Variants in TMEM156 observed in about 807,000 individuals in gnomAD.
TMEM156 encodes the protein transmembrane protein 156.
In TMEM156, 28 loss-of-function variants were observed where a neutral mutation model predicts 30.5. The observed-to-expected ratio is 0.92, with a 90% CI of 0.68 to 1.26. TMEM156 has a LOEUF of 1.26. TMEM156 is among the 50% of genes most tolerant of loss of function. The pLI is 0.00. For synonymous variants in TMEM156, 137 were observed against 119.9 expected (o/e 1.14, Z -0.93); for missense variants, 351 against 340.6 (o/e 1.03, Z -0.24).
chr4:38,986,486 T>A, intron 4 of TMEM156, 67 bp from the exon 5 acceptor site: 1 of 1,218,612 alleles, frequency 8.2e-7, no homozygotes, highest in Non-Finnish European at 1.2e-6. Flanking sequence ...ATATTCCCCA[T>A]GTTGGTTCAA....
At chr4:38,987,625 A>C (rs1283398517) in intron 4 of TMEM156, among the ~76,000 whole-genome samples, 1 of 152,206 alleles carries the variant, frequency 6.6e-6, no homozygotes, top group Non-Finnish European at 1.5e-5. Context: ...GAAATCATAC[A>C]ACCACCACAA....
intron 1 of TMEM156, among the ~76,000 whole-genome samples, chr4:39,015,103 CTT>C: frequency 6.6e-6 from 1 of 152,194 alleles, no homozygotes; most frequent in East Asian, 1.9e-4. Flanking sequence ...ACAATATCCT[CTT>C]ATTACATCTT....
chr4:39,009,225 T>TA (rs764136535), intron 1 of TMEM156, among the ~76,000 whole-genome samples: 11 of 151,886 alleles, frequency 7.2e-5, no homozygotes, highest in Non-Finnish European at 1.5e-4. Flanking sequence ...AACAGACCAA[T>TA]AATGAATAAG....
intron 1 of TMEM156, among the ~76,000 whole-genome samples, chr4:39,005,956 TAC>T (rs1713701349): frequency 6.6e-6 from 1 of 151,998 alleles, no homozygotes; most frequent in Admixed American, 6.6e-5. Flanking sequence ...AGTGCAGTGG[TAC>T]GATCTCGGCT....
At chr4:38,975,879 C>T (rs1722826661) in intron 5 of TMEM156, among the ~76,000 whole-genome samples, 1 of 152,050 alleles carries the variant, frequency 6.6e-6, no homozygotes, top group African/African-American at 2.4e-5. Context: ...TGACTAATAT[C>T]CCAAATCAAT....
intron 1 of TMEM156, among the ~76,000 whole-genome samples, chr4:39,025,280 G>A (rs191681751): frequency 1.3e-4 from 20 of 150,194 alleles, no homozygotes; most frequent in Admixed American, 2.7e-4. Flanking sequence ...CATGGGAGGC[G>A]GAGGCTGCAG....
chr4:38,972,097 C>T (rs945102195), intron 5 of TMEM156, among the ~76,000 whole-genome samples: 2 of 151,526 alleles, frequency 1.3e-5, no homozygotes, highest in Non-Finnish European at 1.5e-5. Flanking sequence ...CCGAGGTGAC[C>T]TACAATTTAA....
intron 1 of TMEM156, among the ~76,000 whole-genome samples, chr4:39,004,448 A>C (rs1713589413): frequency 6.6e-6 from 1 of 152,166 alleles, no homozygotes; most frequent in African/African-American, 2.4e-5. Flanking sequence ...AATAATAACT[A>C]AGACCCATGT....
chr4:38,990,672 T>G (rs1454611925), intron 3 of TMEM156, among the ~76,000 whole-genome samples: 2 of 152,034 alleles, frequency 1.3e-5, no homozygotes, highest in Admixed American at 6.6e-5. Flanking sequence ...GACAGAAATC[T>G]GGGGGGAACA....
intron 2 of TMEM156, among the ~76,000 whole-genome samples, chr4:38,997,413 C>T (rs1713008205): frequency 6.6e-6 from 1 of 152,074 alleles, no homozygotes; most frequent in Admixed American, 6.6e-5. Flanking sequence ...CACATGTACA[C>T]CCTGAATCTA....
At chr4:38,972,069 G>T (rs1214707889) in intron 5 of TMEM156, among the ~76,000 whole-genome samples, 1 of 150,810 alleles carries the variant, frequency 6.6e-6, no homozygotes, top group Non-Finnish European at 1.5e-5. Flanking sequence ...GATTACAGGT[G>T]TGAGTGACCG....
chr4:38,983,334 GC>G (rs1193669697), intron 5 of TMEM156, among the ~76,000 whole-genome samples: 1 of 152,106 alleles, frequency 6.6e-6, no homozygotes, highest in East Asian at 1.9e-4. Context: ...CACTCCTCCT[GC>G]CCCTGGCTTT....
At chr4:38,989,488 A>G (rs952638663) in intron 3 of TMEM156, among the ~76,000 whole-genome samples, 1 of 152,254 alleles carries the variant, frequency 6.6e-6, no homozygotes, top group African/African-American at 2.4e-5. Flanking sequence ...TCCACAGGGT[A>G]ATAGGCGGTA....
intron 1 of TMEM156, among the ~76,000 whole-genome samples, chr4:39,013,605 T>A (rs1714278169): frequency 6.6e-6 from 1 of 151,914 alleles, no homozygotes; most frequent in African/African-American, 2.4e-5. Flanking sequence ...TTTCACCATG[T>A]TGGCCAGGAT....
Position 38,988,882 on chromosome 4 carries a change from A to G in TMEM156, c.708T>C (p.Leu236=). The change falls in exon 4 of 7, where the codon CTT becomes CTC. Residue 236 remains leucine, a synonymous_variant. Transcript: ENST00000381938. ...ACTTTTGCACTCTTCTCTGGCCTTC[A>G]AGTATTTTGCGGATAGTGAGGATGA... The part of the protein sequence containing the change: ...FLIILTIRKI[L]EGQRRVQKWQ... 3 of 1,614,124 alleles carry G rather than the reference A, an allele frequency of 1.9e-6. No homozygotes were observed. The highest frequency in any genetic ancestry group is 2.5e-6 in the Non-Finnish European group (3 of 1,179,990).
chr4:39,020,061 CT>C (rs1714758524), intron 1 of TMEM156, among the ~76,000 whole-genome samples: 1 of 152,180 alleles, frequency 6.6e-6, no homozygotes, highest in South Asian at 2.1e-4. Context: ...TGGCATTTTT[CT>C]TTCTGTGCCT....
chr4:39,013,373 G>GTTTA (rs71192811), intron 1 of TMEM156, among the ~76,000 whole-genome samples: 88 of 141,312 alleles, frequency 6.2e-4, no homozygotes, highest in Non-Finnish European at 8.3e-4. Flanking sequence ...GACATAATTG[G>GTTTA]TTTATTTATT....
intron 5 of TMEM156, among the ~76,000 whole-genome samples, chr4:38,974,062 T>C (rs1385953659): frequency 5.0e-5 from 1 of 20,036 alleles, no homozygotes; most frequent in Non-Finnish European, 1.0e-4. Flanking sequence ...GGAGTGCGTG[T>C]GTGTGTGTGT....
chr4:38,984,325 T>C (rs1323737275), intron 5 of TMEM156, among the ~76,000 whole-genome samples: 6 of 146,844 alleles, frequency 4.1e-5, no homozygotes, highest in African/African-American at 7.6e-5. Context: ...CTCTCTCTCT[T>C]TCTCTCTGTC....
Sources: allele counts gnomAD v4.1 joint callset (sites outside exome capture counted in the v4.1 genomes callset), GRCh38; gene constraint gnomAD v4.1.1; transcripts MANE v1.5; gene names NCBI Gene and HGNC (gene_info 2026-07-23, HGNC 2026-07-21).